CAPZB: variants seen among roughly 807,000 people sequenced by gnomAD.
CAPZB encodes the protein capping actin protein of muscle Z-line subunit beta.
CAPZB carries 2 observed loss-of-function variants against 38.1 expected under a neutral mutation model. That is an observed-to-expected ratio of 0.05 (90% CI 0.02 to 0.17). The LOEUF is 0.17. Among genes scored for constraint, CAPZB ranks in the 10% least tolerant of loss-of-function variants. CAPZB has a pLI of 1.00. For missense variants in CAPZB, 161 were observed against 334.2 expected, an observed-to-expected ratio of 0.48 and a Z score of 4.04; for synonymous variants, 107 against 127.4, an observed-to-expected ratio of 0.84 and a Z score of 1.08.
chr1:19,399,072 G>T (rs1399687514), intron 2 of CAPZB, among the ~76,000 whole-genome samples: 1 of 151,948 alleles, frequency 6.6e-6, no homozygotes, highest in African/African-American at 2.4e-5. Flanking sequence ...TGGTCAGGCT[G>T]GTCTTGAACT....
chr1:19,359,445 C>T (rs973319697), intron 4 of CAPZB, among the ~76,000 whole-genome samples: 2 of 152,154 alleles, frequency 1.3e-5, no homozygotes, highest in Non-Finnish European at 2.9e-5. Context: ...GGTGGGCTAC[C>T]CTTGGCCCCC....
intron 4 of CAPZB, among the ~76,000 whole-genome samples, chr1:19,377,024 G>A (rs1159969924): frequency 1.3e-5 from 2 of 152,200 alleles, no homozygotes; most frequent in Non-Finnish European, 2.9e-5. Flanking sequence ...CCACTTGCAT[G>A]GCCACTGGTA....
At chr1:19,443,608 ATTGTTGTTG>A (rs61437002) in intron 1 of CAPZB, among the ~76,000 whole-genome samples, 6 of 151,800 alleles carry the variant, frequency 4.0e-5, no homozygotes, top group South Asian at 2.1e-4. Flanking sequence ...TGCTTAAGTT[ATTGTTGTTG>A]TTGTTGTTGT....
At chr1:19,359,426 C>T (rs935483528) in intron 4 of CAPZB, among the ~76,000 whole-genome samples, 4 of 152,094 alleles carry the variant, frequency 2.6e-5, no homozygotes, top group Non-Finnish European at 5.9e-5. Flanking sequence ...TCCAGGGGGC[C>T]GATACTCAGG....
chr1:19,363,242 T>A (rs895998420), intron 4 of CAPZB, among the ~76,000 whole-genome samples: 3 of 143,128 alleles, frequency 2.1e-5, no homozygotes, highest in Admixed American at 7.3e-5. Flanking sequence ...CCACCATGCA[T>A]GGCTAATTAA....
intron 1 of CAPZB, chr1:19,449,157 T>A (rs959968044): frequency 7.5e-7 from 1 of 1,341,510 alleles, no homozygotes; most frequent in East Asian, 2.9e-5. Flanking sequence ...GTAAGGCTGA[T>A]AACGCACAAA....
intron 1 of CAPZB, among the ~76,000 whole-genome samples, chr1:19,476,397 A>G (rs1437945265): frequency 6.6e-6 from 1 of 152,144 alleles, no homozygotes; most frequent in African/African-American, 2.4e-5. Context: ...CCTGGGCAAC[A>G]GAATGAGACC....
chr1:19,363,167 G>A (rs185849320), intron 4 of CAPZB, among the ~76,000 whole-genome samples: 15 of 151,032 alleles, frequency 9.9e-5, no homozygotes, highest in South Asian at 2.1e-4. Context: ...CTGCAGCCTC[G>A]ACTTCCTGGG....
At chr1:19,456,710 G>A (rs2094534197) in intron 1 of CAPZB, among the ~76,000 whole-genome samples, 1 of 152,226 alleles carries the variant, frequency 6.6e-6, no homozygotes, top group Non-Finnish European at 1.5e-5. Context: ...GCTGCCCATG[G>A]AGTCTATTTG....
At chr1:19,443,731 G>T (rs2094486647) in intron 1 of CAPZB, among the ~76,000 whole-genome samples, 1 of 152,222 alleles carries the variant, frequency 6.6e-6, no homozygotes, top group Non-Finnish European at 1.5e-5. Flanking sequence ...AAGGCACAGA[G>T]AGGCCAGGTC....
At chr1:19,346,214 A>G (rs2093959594) in intron 6 of CAPZB, among the ~76,000 whole-genome samples, 1 of 152,164 alleles carries the variant, frequency 6.6e-6, no homozygotes, top group Non-Finnish European at 1.5e-5. Context: ...CGCAGCTACG[A>G]TGACTAATGT....
chr1:19,473,777 T>A lies in CAPZB; in HGVS notation c.3+11659A>T, dbSNP rs1260150055. Among the ~76,000 whole-genome samples, 3 of 152,006 alleles carry A rather than the reference T, an allele frequency of 2.0e-5. No homozygotes were observed. In the East Asian group the frequency reaches 5.8e-4, roughly 29 times the overall value. Reference sequence around the variant, plus strand: ...TACTTGGGAGGCTGAGGCAGGAGAATCACTTGAACCCAGAAGGCGGAAGTT... The same window carrying A: ...TACTTGGGAGGCTGAGGCAGGAGAAACACTTGAACCCAGAAGGCGGAAGTT... On this transcript the variant is annotated intron_variant, in intron 1 of 8. Transcript: ENST00000264202.
At chr1:19,344,286 G>T in intron 8 of CAPZB, 72 bp downstream of exon 8, 2 of 1,218,932 alleles carry the variant, frequency 1.6e-6, no homozygotes, top group South Asian at 1.2e-5. Flanking sequence ...AGACCACACA[G>T]CTAGTAACTG....
intron 1 of CAPZB, among the ~76,000 whole-genome samples, chr1:19,421,995 T>C (rs564985361): frequency 7.2e-5 from 11 of 152,094 alleles, no homozygotes; most frequent in Non-Finnish European, 1.2e-4. Flanking sequence ...CTCTCTCTCT[T>C]GCTCCCCTTA....
At chr1:19,367,802 T>G in intron 4 of CAPZB, among the ~76,000 whole-genome samples, 1 of 152,212 alleles carries the variant, frequency 6.6e-6, no homozygotes, top group East Asian at 1.9e-4. Context: ...TACGAGGCTT[T>G]TATTTTTTTA....
chr1:19,426,737 G>A (rs765570538), intron 1 of CAPZB, among the ~76,000 whole-genome samples: 1 of 152,210 alleles, frequency 6.6e-6, no homozygotes, highest in Non-Finnish European at 1.5e-5. Context: ...GAGACCCCAA[G>A]CCAGAACCAC....
chr1:19,358,822 T>C lies in CAPZB; in HGVS notation c.330-1259A>G, dbSNP rs554532579. On this transcript the variant is annotated intron_variant, in intron 4 of 8. Transcript: ENST00000264202. ...CCAAAGCCACGGTGTGGCAGGTGCA[T>C]TCTGGGAGCACCCTGCCCTCAGCCC... 2.0e-5 allele frequency among the ~76,000 whole-genome samples: 3 copies of C among 152,298 alleles called. No individual in the cohort carries two copies. In the East Asian group the frequency reaches 5.8e-4, roughly 29 times the overall value.
chr1:19,392,285 G>C (rs1320321129), intron 2 of CAPZB, among the ~76,000 whole-genome samples: 1 of 151,964 alleles, frequency 6.6e-6, no homozygotes, highest in Non-Finnish European at 1.5e-5. Flanking sequence ...AGGTGGCACA[G>C]AGATGACATG....
chr1:19,413,606 TTATAAGTGTG>T (rs1558239847), intron 2 of CAPZB, among the ~76,000 whole-genome samples: 1 of 91,456 alleles, frequency 1.1e-5, no homozygotes, highest in Non-Finnish European at 2.6e-5. Flanking sequence ...AGTGCTGGGA[TTATAAGTGTG>T]AGCCACCAGG....
Sources: allele counts gnomAD v4.1 joint callset (sites outside exome capture counted in the v4.1 genomes callset), GRCh38; gene constraint gnomAD v4.1.1; transcripts MANE v1.5; gene names NCBI Gene and HGNC (gene_info 2026-07-23, HGNC 2026-07-21).